Variants in MYH4 observed in about 807,000 individuals in gnomAD.
The protein encoded by MYH4 is myosin-4.
In MYH4, 200 loss-of-function variants were observed where a neutral mutation model predicts 229.9. The observed-to-expected ratio is 0.87, with a 90% CI of 0.78 to 0.98. The LOEUF (loss-of-function observed/expected upper bound fraction) is 0.98, where lower values mean the gene tolerates loss of function less well. Among genes scored for constraint, MYH4 ranks in the 50% least tolerant of loss-of-function variants. The probability of loss-of-function intolerance (pLI) is 0.00; values close to 1 mark genes in which losing one functional copy is unlikely to be tolerated. For missense variants in MYH4, 2,148 were observed against 2,332.6 expected (o/e 0.92, Z 1.63); for synonymous variants, 761 against 834.6 (o/e 0.91, Z 1.52).
chr17:10,451,683 A>C (rs1202989723), intron 27 of MYH4, among the ~76,000 whole-genome samples: 1 of 152,186 alleles, frequency 6.6e-6, no homozygotes, highest in Admixed American at 6.5e-5. Flanking sequence ...ATTCTGCATC[A>C]TTTAGAGTAT....
chr17:10,462,260 G>T (rs1157060211), intron 11 of MYH4, among the ~76,000 whole-genome samples: 1 of 152,120 alleles, frequency 6.6e-6, no homozygotes, highest in Non-Finnish European at 1.5e-5. Context: ...AAGAAAGTAA[G>T]CCAAAAAGCA....
chr17:10,444,671 C>T lies in MYH4; in HGVS notation c.5600G>A (p.Arg1867Lys), dbSNP rs1398730327. The change falls in exon 39 of 40, where the codon AGG (arginine) becomes AAG (lysine). Residue 1867 changes from arginine to lysine, a missense_variant. Coordinates refer to ENST00000255381, the MANE Select transcript of MYH4 (RefSeq NM_017533.2). Reference protein sequence around the residue: ...QTEEDRKNILRLQDLVDKLQT... With the variant: ...QTEEDRKNILKLQDLVDKLQT... The stretch of plus-strand genomic sequence containing the variant: ...CAATTTGTCCACCAAGTCCTGCAGC[C>T]TGAGAATATTCTTGCGGTCCTCCTC... 4.3e-6 allele frequency: 7 copies of T among 1,613,838 alleles called. No individual in the cohort carries two copies. Among genetic ancestry groups the T allele is most frequent in the African/African-American group, 1.3e-5 (1 of 74,844 alleles).
At chr17:10,455,985 C>T in intron 17 of MYH4, 84 bp from the exon 18 acceptor site, 1 of 1,530,266 alleles carries the variant, frequency 6.5e-7, no homozygotes. Context: ...TTTCATTTCA[C>T]ATTTTAATGA....
rs2072477141 is a variant in MYH4, at chr17:10,443,385, C to T, written c.5810G>A (p.Ser1937Asn). The change falls in exon 40 of 40, where the codon AGT becomes AAT. Residue 1937 changes from serine to asparagine, a missense_variant. Transcript: ENST00000255381. This position sits in a 1 kb window ranked among gnomAD's most constrained non-coding sequence, Gnocchi z 4.6. ...TTTCATTAGAATGAATTACTCTTCA[C>T]TTATGACTTTTGTGTGAACCTCCCG... is the stretch of plus-strand genomic sequence containing the variant. ...KSREVHTKVI[S>N]EE The T allele has an allele frequency of 1.9e-6, 3 of 1,613,980 alleles. No individual in the cohort carries two copies. The highest frequency in any genetic ancestry group is 2.5e-6 in the Non-Finnish European group (3 of 1,180,000).
In MYH4 at chr17:10,462,902, G is replaced by A. The variant is rs199558949; in HGVS notation, c.971C>T (p.Pro324Leu). Reference protein sequence around the residue: ...AFVSQGEITVPSIDDQEELMA... With the variant: ...AFVSQGEITVLSIDDQEELMA... Reference sequence around the variant, plus strand: ...CAGCTCTTCCTGGTCATCAATGCTGGGCACAGTAATTTCCCCTTGGCTGAC... The same window carrying A: ...CAGCTCTTCCTGGTCATCAATGCTGAGCACAGTAATTTCCCCTTGGCTGAC... Residue 324 changes from proline to leucine, a missense_variant, in exon 11 of 40, where the codon CCC (proline) becomes CTC (leucine). Transcript: ENST00000255381. 6.2e-7 allele frequency: 1 copy of A among 1,614,020 alleles called. No individual in the cohort carries two copies. The highest frequency in any genetic ancestry group is 1.7e-5 in the Admixed American group (1 of 60,014).
chr17:10,450,583 A>G lies in MYH4; in HGVS notation c.4051T>C (p.Tyr1351His), dbSNP rs1280505347. ...GCCTTGGCTTCCTGCTCCTCCTCAT[A>G]CTGTTCCCGCAGCAGGTCACAGTCA... ...RHDCDLLREQ[Y>H]EEEQEAKAEL... Residue 1351 changes from tyrosine (Y) to histidine (H), a missense_variant, in exon 30 of 40, where the codon TAT becomes CAT. Coordinates refer to ENST00000255381, the MANE Select transcript of MYH4 (RefSeq NM_017533.2). 1 of 1,613,852 alleles carries G rather than the reference A, an allele frequency of 6.2e-7. No homozygotes were observed. Among genetic ancestry groups the G allele is most frequent in the Non-Finnish European group, 8.5e-7 (1 of 1,180,004 alleles).
chr17:10,466,860 G>A (rs993734037), intron 2 of MYH4, 76 bp from the exon 3 acceptor site: 1 of 1,333,604 alleles, frequency 7.5e-7, no homozygotes, highest in African/African-American at 1.5e-5. Flanking sequence ...ATATTAATGT[G>A]CTTAATTTTC....
intron 22 of MYH4, 133 bp from the exon 23 acceptor site, chr17:10,454,018 A>C: frequency 8.2e-7 from 1 of 1,217,666 alleles, no homozygotes; most frequent in Non-Finnish European, 1.1e-6. Context: ...TTTTAAAATG[A>C]AACAGACAAA....
chr17:10,456,968 A>C (rs981648514), intron 16 of MYH4, among the ~76,000 whole-genome samples: 3 of 152,188 alleles, frequency 2.0e-5, no homozygotes, highest in African/African-American at 7.2e-5. Flanking sequence ...CTGCAGGGAA[A>C]TCCTGGCTCC....
At position 10,459,940 on chromosome 17, in the gene MYH4, T is replaced by C; in HGVS notation, c.1416+12A>G. 6.2e-7 allele frequency: 1 copy of C among 1,613,932 alleles called. No homozygotes were observed. The highest frequency in any genetic ancestry group is 8.5e-7 in the Non-Finnish European group (1 of 1,179,900). On this transcript the variant is annotated intron_variant, in intron 14 of 39. Coordinates refer to ENST00000255381, the MANE Select transcript of MYH4 (RefSeq NM_017533.2). ...TTTGCACTGGCTAATTTTCTGTCAGTTCACTACTCACATCAAAGATCTCAA... is the reference window on the plus strand; with the variant it reads ...TTTGCACTGGCTAATTTTCTGTCAGCTCACTACTCACATCAAAGATCTCAA...
rs372114550 is a variant in MYH4 at position 10,463,555 on chromosome 17, C to A, written c.737G>T (p.Arg246Leu). The change falls in exon 8 of 40, where the codon CGC becomes CTC. Residue 246 changes from arginine to leucine, a missense_variant. Arg to Leu is a moderately radical substitution (Grantham distance 102). Transcript: ENST00000255381. ...AATGAAGATCAAGAGACTTACAAAGCGAGAGGAGTTGTCATTCCTCACGGT... is the reference window on the plus strand; with the variant it reads ...AATGAAGATCAAGAGACTTACAAAGAGAGAGGAGTTGTCATTCCTCACGGT... ...AKTVRNDNSSRFGKFIRIHFG... is the reference protein window; with the variant it reads ...AKTVRNDNSSLFGKFIRIHFG... 1.2e-6 allele frequency: 2 copies of A among 1,611,498 alleles called. No individual in the cohort carries two copies. Among genetic ancestry groups the A allele is most frequent in the Middle Eastern group, 1.6e-4 (1 of 6,062 alleles).
chr17:10,466,675 C>A lies in MYH4; in HGVS notation c.71G>T (p.Arg24Leu), dbSNP rs939415421. The A allele has an allele frequency of 1.2e-6, 2 of 1,614,168 alleles. No homozygotes were observed. Among genetic ancestry groups the A allele is most frequent in the African/African-American group, 1.3e-5 (1 of 75,030 alleles). ...APFLRKSEKERIEAQNKPFDA... is the reference protein window; with the variant it reads ...APFLRKSEKELIEAQNKPFDA... ...AAAAGGCTTGTTCTGAGCTTCAATT[C>A]GCTCCTTTTCAGACTTTCGGAGGAA... is the stretch of plus-strand genomic sequence containing the variant. The change falls in exon 3 of 40, where the codon CGA becomes CTA. Residue 24 changes from arginine (R) to leucine (L), a missense_variant. Coordinates refer to ENST00000255381, the MANE Select transcript of MYH4 (RefSeq NM_017533.2).
chr17:10,455,569 TGTGTA>T (rs776068959), intron 19 of MYH4, 40 bp downstream of exon 19: 2 of 1,604,664 alleles, frequency 1.2e-6, no homozygotes, highest in Non-Finnish European at 1.7e-6. Flanking sequence ...ATAGTGATTT[TGTGTA>T]GACTAAGACA....
chr17:10,450,183 A>G (rs1231934209), intron 30 of MYH4, among the ~76,000 whole-genome samples: 4 of 152,182 alleles, frequency 2.6e-5, no homozygotes, highest in Non-Finnish European at 5.9e-5. Flanking sequence ...ATTCATAAAT[A>G]ATATTCTGAT....
chr17:10,456,810 A>T (rs995489069), intron 16 of MYH4, among the ~76,000 whole-genome samples: 3 of 152,192 alleles, frequency 2.0e-5, no homozygotes, highest in Admixed American at 6.5e-5. Context: ...TGGGTAGGGG[A>T]TGGGACTCCC....
Position 10,447,033 on chromosome 17 carries a change from C to G in MYH4, c.5149G>C (p.Val1717Leu). The G allele has an allele frequency of 6.2e-7, 1 of 1,614,080 alleles. No homozygotes were observed. The highest frequency in any genetic ancestry group is 1.1e-5 in the South Asian group (1 of 91,082). The part of the protein sequence containing the change: ...EQELLDASER[V>L]QLLHTQNTSL... ...CTCACCTGAGTGTGCAGAAGTTGCA[C>G]ACGTTCACTGGCATCCAGAAGCTCT... Residue 1717 changes from valine to leucine, a missense_variant, in exon 35 of 40, where the codon GTG becomes CTG. Val to Leu is a conservative substitution (Grantham distance 32). Transcript: ENST00000255381.
At chr17:10,465,040 T>G (rs1165746328) in intron 5 of MYH4, among the ~76,000 whole-genome samples, 5 of 152,218 alleles carry the variant, frequency 3.3e-5, no homozygotes, top group Non-Finnish European at 7.4e-5. Flanking sequence ...AATGTCCAAT[T>G]TAAAGTTTTG....
At chr17:10,455,493 T>G in intron 19 of MYH4, 121 bp downstream of exon 19, 1 of 1,409,502 alleles carries the variant, frequency 7.1e-7, no homozygotes, top group Non-Finnish European at 9.7e-7. Flanking sequence ...CTTCTTTCTT[T>G]TATGATCAAT....
At position 10,454,936 on chromosome 17, in the gene MYH4, C is replaced by G; in HGVS notation, c.2435+5G>C. 1.2e-6 allele frequency: 2 copies of G among 1,614,008 alleles called. No homozygotes were observed. The highest frequency in any genetic ancestry group is 1.7e-6 in the Non-Finnish European group (2 of 1,179,892). ...GAGCAGGAAGACTTGTGTGTGGGCTCTCACCTCCTCTCCATCATCTTTCTG... is the reference window on the plus strand; with the variant it reads ...GAGCAGGAAGACTTGTGTGTGGGCTGTCACCTCCTCTCCATCATCTTTCTG... On this transcript the variant is annotated splice_donor_5th_base_variant and intron_variant, in intron 21 of 39. Transcript: ENST00000255381.
Sources: gnomAD v4.1 joint callset for allele counts (sites outside exome capture counted in the v4.1 genomes callset) on GRCh38, gnomAD v4.1.1 for gene constraint, Gnocchi (gnomAD v3.1) non-coding constraint, MANE v1.5 for transcripts, NCBI Gene and HGNC (gene_info 2026-07-23, HGNC 2026-07-21) for gene names.